SPECC1: variants seen among roughly 807,000 people sequenced by gnomAD.
The protein encoded by SPECC1 is cytospin-B.
SPECC1 carries 62 observed loss-of-function variants against 104.1 expected under a neutral mutation model. The observed-to-expected ratio is 0.60, with a 90% CI of 0.49 to 0.74. SPECC1 has a LOEUF of 0.74. SPECC1 is among the 30% of genes least tolerant of loss of function. The probability of loss-of-function intolerance (pLI) is 0.00; values close to 1 mark genes in which losing one functional copy is unlikely to be tolerated. For synonymous variants in SPECC1, 513 were observed against 501.6 expected (o/e 1.02, Z -0.30); for missense variants, 1,306 against 1,310.5 (o/e 1.00, Z 0.05).
At chr17:20,311,680 G>C (rs2041938544) in intron 14 of SPECC1, among the ~76,000 whole-genome samples, 1 of 152,118 alleles carries the variant, frequency 6.6e-6, no homozygotes, top group Non-Finnish European at 1.5e-5. Context: ...GTCCAGTACA[G>C]TTTTAAATAG....
At chr17:20,151,661 T>A (rs575104543) in intron 3 of SPECC1, among the ~76,000 whole-genome samples, 19 of 152,338 alleles carry the variant, frequency 1.2e-4, no homozygotes, top group African/African-American at 4.1e-4. Flanking sequence ...CCACAGGAAA[T>A]TTTATCCTGT....
At chr17:20,072,380 C>A (rs2046589305) in intron 1 of SPECC1, among the ~76,000 whole-genome samples, 2 of 152,240 alleles carry the variant, frequency 1.3e-5, no homozygotes, top group Admixed American at 6.5e-5. Context: ...AGAGTCCCAA[C>A]CACTACCACC....
intron 2 of SPECC1, among the ~76,000 whole-genome samples, chr17:20,108,256 C>G (rs925547369): frequency 4.6e-5 from 7 of 150,556 alleles, no homozygotes; most frequent in Non-Finnish European, 1.0e-4. Context: ...ACCCAGAAGG[C>G]TAGTATTTGC....
At chr17:20,236,787 C>A in intron 7 of SPECC1, 1 of 1,582,822 alleles carries the variant, frequency 6.3e-7, no homozygotes, top group Non-Finnish European at 8.7e-7. Flanking sequence ...GAAATTCTTG[C>A]GTTTGTGAAC....
At chr17:20,302,826 G>A (rs985700810) in intron 13 of SPECC1, among the ~76,000 whole-genome samples, 7 of 147,898 alleles carry the variant, frequency 4.7e-5, no homozygotes, top group African/African-American at 1.5e-4. Flanking sequence ...AGAGCCTGAG[G>A]CTGGGGGATC....
chr17:20,080,427 G>A (rs1261073142), intron 1 of SPECC1, among the ~76,000 whole-genome samples: 1 of 152,074 alleles, frequency 6.6e-6, no homozygotes, highest in Non-Finnish European at 1.5e-5. Context: ...TACAACCCGG[G>A]GGATCAGAGG....
rs536228257 is a variant in SPECC1 at position 20,171,560 on chromosome 17, T to G, written c.284-32773T>G. ...TTCATTACTTAGGTTATTCCTATTT[T>G]TTTTTGAGACAGAGTCTTGCGTTGT... On this transcript the variant is annotated intron_variant, in intron 3 of 14. Transcript: ENST00000395527. Among the ~76,000 whole-genome samples, 66 of 152,286 alleles carry G rather than the reference T, an allele frequency of 4.3e-4. 3 individuals are homozygous for G. The South Asian group carries it at 0.012, about 28-fold the overall frequency.
At chr17:20,282,800 T>C (rs1161312184) in intron 12 of SPECC1, among the ~76,000 whole-genome samples, 2 of 152,178 alleles carry the variant, frequency 1.3e-5, no homozygotes, top group Non-Finnish European at 2.9e-5. Context: ...GAGGTCTGCA[T>C]TTTTTTAAAT....
intron 1 of SPECC1, among the ~76,000 whole-genome samples, chr17:20,020,055 GAAGT>G (rs2152432533): frequency 6.6e-6 from 1 of 152,274 alleles, no homozygotes; most frequent in Non-Finnish European, 1.5e-5. Flanking sequence ...CCACTAGAAG[GAAGT>G]AAGAAGCAGC....
intron 14 of SPECC1, among the ~76,000 whole-genome samples, chr17:20,306,917 A>G (rs1448837208): frequency 1.4e-5 from 2 of 147,516 alleles, no homozygotes; most frequent in African/African-American, 5.1e-5. Context: ...ACTTGAGATG[A>G]TAAATAAGAG....
At chr17:20,079,172 C>T (rs2046874411) in intron 1 of SPECC1, among the ~76,000 whole-genome samples, 1 of 152,218 alleles carries the variant, frequency 6.6e-6, no homozygotes, top group African/African-American at 2.4e-5. Flanking sequence ...CCTCTTCCAT[C>T]TCCTGTGCCT....
At chr17:20,197,920 TA>T (rs2036143920) in intron 3 of SPECC1, among the ~76,000 whole-genome samples, 1 of 152,100 alleles carries the variant, frequency 6.6e-6, no homozygotes, top group Non-Finnish European at 1.5e-5. Flanking sequence ...ACAGAGGAGA[TA>T]AATACTGATT....
intron 1 of SPECC1, among the ~76,000 whole-genome samples, chr17:20,060,747 C>T (rs1410345367): frequency 6.6e-6 from 1 of 152,158 alleles, no homozygotes; most frequent in African/African-American, 2.4e-5. Context: ...TGCCACTCAC[C>T]ATGTGACTTT....
chr17:20,202,338 T>G (rs977739012), intron 3 of SPECC1, among the ~76,000 whole-genome samples: 3 of 152,078 alleles, frequency 2.0e-5, no homozygotes, highest in Non-Finnish European at 4.4e-5. Context: ...CCTCTTGAGA[T>G]TCTTGAGTAT....
chr17:20,156,475 A>G (rs1391577936), intron 3 of SPECC1, among the ~76,000 whole-genome samples: 1 of 152,126 alleles, frequency 6.6e-6, no homozygotes, highest in African/African-American at 2.4e-5. Flanking sequence ...GCCGCCGGGC[A>G]GGCACCGCTG....
At chr17:20,156,057 T>C in intron 3 of SPECC1, 1 of 1,292,718 alleles carries the variant, frequency 7.7e-7, no homozygotes, top group Non-Finnish European at 9.8e-7. Context: ...TGCTGGGAAC[T>C]GGAAGGCGCC....
intron 1 of SPECC1, among the ~76,000 whole-genome samples, chr17:20,038,593 G>T (rs1220579389): frequency 6.6e-6 from 1 of 151,856 alleles, no homozygotes; most frequent in African/African-American, 2.4e-5. Flanking sequence ...GTTGAGACGG[G>T]GTTTCACCAT....
chr17:20,156,239 C>G, intron 3 of SPECC1: 1 of 1,367,752 alleles, frequency 7.3e-7, no homozygotes, highest in Non-Finnish European at 9.5e-7. Context: ...GGAACCAGGT[C>G]TGTGCGGCTG....
At chr17:20,294,213 C>T (rs2041266225) in intron 12 of SPECC1, among the ~76,000 whole-genome samples, 1 of 152,214 alleles carries the variant, frequency 6.6e-6, no homozygotes, top group South Asian at 2.1e-4. Context: ...AACTCTTGAC[C>T]TCAGGTGATC....
Sources: allele counts gnomAD v4.1 joint callset (sites outside exome capture counted in the v4.1 genomes callset), GRCh38; gene constraint gnomAD v4.1.1; transcripts MANE v1.5; gene names NCBI Gene and HGNC (gene_info 2026-07-23, HGNC 2026-07-21).